Variants in RIMS2 observed in about 807,000 individuals in gnomAD.
The protein encoded by RIMS2 is regulating synaptic membrane exocytosis 2.
RIMS2 carries 59 observed loss-of-function variants against 174.4 expected under a neutral mutation model. The ratio of observed to expected loss-of-function variants is 0.34; its 90% CI spans 0.27 to 0.42. The LOEUF (loss-of-function observed/expected upper bound fraction) is 0.42, where lower values mean the gene tolerates loss of function less well. RIMS2 is among the 10% of genes least tolerant of loss of function. The pLI is 1.00. For synonymous variants in RIMS2, 606 were observed against 572.5 expected, an observed-to-expected ratio of 1.06 and a Z score of -0.84; for missense variants, 1,620 against 1,666.3, an observed-to-expected ratio of 0.97 and a Z score of 0.48.
rs78953067 is a variant in RIMS2 at position 103,980,688 on chromosome 8, G to C, written c.2927+5182G>C. Among the ~76,000 whole-genome samples the C allele has an allele frequency of 4.5e-3, 689 of 152,264 alleles. 7 individuals carry two copies. Among genetic ancestry groups the C allele is most frequent in the African/African-American group, 0.016 (651 of 41,560 alleles). ...TCAGTACCTGCCCTGGCCCAGAGGGGAGCCTATTGCCCTGAAGGGTGAGTC... is the reference window on the plus strand; with the variant it reads ...TCAGTACCTGCCCTGGCCCAGAGGGCAGCCTATTGCCCTGAAGGGTGAGTC... On this transcript the variant is annotated intron_variant, in intron 16 of 23. Coordinates refer to ENST00000504942, the Ensembl canonical transcript of RIMS2.
chr8:103,724,859 A>T (rs937376905), intron 2 of RIMS2, among the ~76,000 whole-genome samples: 1 of 152,152 alleles, frequency 6.6e-6, no homozygotes, highest in Non-Finnish European at 1.5e-5. Flanking sequence ...CAGTACAAGT[A>T]CCACATAGTT....
rs2099200653 is a variant in RIMS2, at chr8:103,886,277, T to A, written c.1624+54T>A. 13 of 1,440,726 alleles carry A rather than the reference T, an allele frequency of 9.0e-6. No homozygotes were observed. In the East Asian group the frequency reaches 9.4e-5, roughly 10 times the overall value. The allele number at this position is 1,440,726 out of a possible 1,614,324, so 89.2% of individuals were successfully genotyped here. A position where few individuals can be genotyped will look rare whatever the true frequency, so the allele number is the denominator to read the frequency against. On this transcript the variant is annotated intron_variant, in intron 4 of 23. Coordinates refer to ENST00000504942, the Ensembl canonical transcript of RIMS2. ...TAATTGATTAGATAAGCGTTTTTTT[T>A]AATAGATTGCATTTCTGAGTGAAAA...
chr8:104,039,534 G>C (rs759440868), intron 19 of RIMS2, among the ~76,000 whole-genome samples: 1 of 151,194 alleles, frequency 6.6e-6, no homozygotes, highest in African/African-American at 2.4e-5. Flanking sequence ...ATTTGTTTAC[G>C]TAGTTTTTAT....
intron 19 of RIMS2, among the ~76,000 whole-genome samples, chr8:104,141,559 G>A (rs188551421): frequency 6.6e-6 from 1 of 152,330 alleles, no homozygotes; most frequent in Non-Finnish European, 1.5e-5. Flanking sequence ...TGTTCTCACA[G>A]TCTTAGGACA....
At chr8:103,663,068 C>T (rs34995326) in intron 1 of RIMS2, among the ~76,000 whole-genome samples, 26,694 of 151,696 alleles carry the variant, frequency 0.18, 2,551 homozygotes, top group African/African-American at 0.23. Context: ...ACTCAGGGGG[C>T]TGAGGCAGGA....
intron 3 of RIMS2, among the ~76,000 whole-genome samples, chr8:103,771,161 C>T (rs1181029428): frequency 1.3e-5 from 2 of 152,254 alleles, no homozygotes; most frequent in East Asian, 1.9e-4. Context: ...TAAACCTTAG[C>T]GTTGAGTAGG....
chr8:104,080,973 C>T (rs1174623267), intron 19 of RIMS2, among the ~76,000 whole-genome samples: 1 of 151,940 alleles, frequency 6.6e-6, no homozygotes, highest in Admixed American at 6.6e-5. Flanking sequence ...AGCACTAGGC[C>T]TAGCACATGG....
chr8:103,538,699 T>G (rs2131172645), intron 1 of RIMS2, among the ~76,000 whole-genome samples: 1 of 152,262 alleles, frequency 6.6e-6, no homozygotes, highest in South Asian at 2.1e-4. Flanking sequence ...ATATTTTTAG[T>G]AGAGACAGGG....
chr8:104,089,591 A>G (rs551647977), intron 19 of RIMS2, among the ~76,000 whole-genome samples: 7 of 151,946 alleles, frequency 4.6e-5, no homozygotes, highest in African/African-American at 1.4e-4. Flanking sequence ...GCATATGTCT[A>G]TTTGTAATAG....
intron 3 of RIMS2, among the ~76,000 whole-genome samples, chr8:103,830,382 ATATC>A (rs2098818014): frequency 6.6e-6 from 1 of 152,154 alleles, no homozygotes; most frequent in Non-Finnish European, 1.5e-5. Flanking sequence ...TAAAAATAAA[ATATC>A]TTATTATTTT....
At chr8:103,649,423 G>A (rs1052043350) in intron 1 of RIMS2, among the ~76,000 whole-genome samples, 2 of 151,944 alleles carry the variant, frequency 1.3e-5, no homozygotes, top group African/African-American at 4.8e-5. Flanking sequence ...GTGTCTTGGG[G>A]TTGATCTTCT....
At chr8:103,510,833 G>A (rs1826104800) in intron 1 of RIMS2, among the ~76,000 whole-genome samples, 1 of 151,994 alleles carries the variant, frequency 6.6e-6, no homozygotes, top group African/African-American at 2.4e-5. Context: ...TGCCATATAA[G>A]GAAACATATT....
At chr8:103,543,402 G>T (rs1843436245) in intron 1 of RIMS2, among the ~76,000 whole-genome samples, 1 of 152,118 alleles carries the variant, frequency 6.6e-6, no homozygotes, top group African/African-American at 2.4e-5. Flanking sequence ...TAATGAATTA[G>T]AAGAATTAAT....
At chr8:103,991,486 AAG>A (rs2094693348) in intron 17 of RIMS2, among the ~76,000 whole-genome samples, 3 of 151,944 alleles carry the variant, frequency 2.0e-5, no homozygotes, top group Non-Finnish European at 4.4e-5. Flanking sequence ...TTAATATTCT[AAG>A]AGTTTTGGTA....
chr8:103,853,082 G>T (rs866533962), intron 3 of RIMS2, among the ~76,000 whole-genome samples: 13 of 151,512 alleles, frequency 8.6e-5, no homozygotes, highest in Non-Finnish European at 1.6e-4. Flanking sequence ...GGTTTTTTTT[G>T]TTTGTTTTTT....
intron 19 of RIMS2, among the ~76,000 whole-genome samples, chr8:104,070,107 G>A (rs1294014594): frequency 6.6e-6 from 1 of 152,128 alleles, no homozygotes; most frequent in African/African-American, 2.4e-5. Context: ...ATTAAGTAAA[G>A]CATAAGTGGC....
At chr8:103,759,432 G>A (rs2098080326) in intron 2 of RIMS2, among the ~76,000 whole-genome samples, 1 of 152,000 alleles carries the variant, frequency 6.6e-6, no homozygotes, top group South Asian at 2.1e-4. Context: ...GGGCGTGGCG[G>A]TGGGCGCCTG....
chr8:103,551,537 CA>C (rs1847922401), intron 1 of RIMS2, among the ~76,000 whole-genome samples: 1 of 152,112 alleles, frequency 6.6e-6, no homozygotes, highest in South Asian at 2.1e-4. Context: ...TGAAAACTGG[CA>C]CAAGACAGGG....
rs888639750 is a variant in RIMS2, at chr8:103,662,635, A to G, written c.177-34451A>G. 2.0e-5 allele frequency among the ~76,000 whole-genome samples: 3 copies of G among 152,176 alleles called. No homozygotes were observed. The East Asian group carries it at 5.8e-4, about 29-fold the overall frequency. Reference sequence around the variant, plus strand: ...TTTCTTCAAGAAGCAAATTTCAGAGAAGAAATGAAACACCTTTTCCCTTTG... The same window carrying G: ...TTTCTTCAAGAAGCAAATTTCAGAGGAGAAATGAAACACCTTTTCCCTTTG... On this transcript the variant is annotated intron_variant, in intron 1 of 23. Coordinates refer to ENST00000504942, the Ensembl canonical transcript of RIMS2.
Sources: allele counts gnomAD v4.1 joint callset (sites outside exome capture counted in the v4.1 genomes callset), GRCh38; gene constraint gnomAD v4.1.1; transcripts MANE v1.5; gene names NCBI Gene and HGNC (gene_info 2026-07-23, HGNC 2026-07-21).